PALB2: variants seen among roughly 807,000 people sequenced by gnomAD.
PALB2 encodes the protein mutant partner and localizer of BRCA2.
In PALB2, 82 loss-of-function variants were observed where a neutral mutation model predicts 107.4. The ratio of observed to expected loss-of-function variants is 0.76; its 90% CI spans 0.64 to 0.92. The LOEUF (loss-of-function observed/expected upper bound fraction) is 0.92, where lower values mean the gene tolerates loss of function less well. Among genes scored for constraint, PALB2 ranks in the 40% least tolerant of loss-of-function variants. PALB2 has a pLI of 0.00. For synonymous variants in PALB2, 489 were observed against 496.8 expected (o/e 0.98, Z 0.21); for missense variants, 1,374 against 1,379.9 (o/e 1.00, Z 0.07).
chr16:23,616,244 A>T (rs1024063098), intron 10 of PALB2, among the ~76,000 whole-genome samples: 7 of 152,016 alleles, frequency 4.6e-5, no homozygotes, highest in Admixed American at 6.6e-5. Context: ...AGCAGTCCAC[A>T]GTCATCTCCT....
intron 12 of PALB2, 43 bp downstream of exon 12, chr16:23,607,821 T>G: frequency 8.1e-6 from 13 of 1,611,778 alleles, no homozygotes; most frequent in Non-Finnish European, 1.1e-5. Context: ...CACAGTGCCT[T>G]TCAGAATGTC....
chr16:23,630,970 T>TA (rs1029747344), intron 4 of PALB2, among the ~76,000 whole-genome samples: 1 of 148,704 alleles, frequency 6.7e-6, no homozygotes, highest in South Asian at 2.1e-4. Flanking sequence ...AAATAAAAAT[T>TA]AAAAAAAATA....
chr16:23,626,144 A>C (rs953647090), intron 7 of PALB2, 92 bp downstream of exon 7: 220 of 1,424,526 alleles, frequency 1.5e-4, no homozygotes, highest in Non-Finnish European at 2.0e-4. Context: ...TCTGCCTTGC[A>C]TGGTCATAGC....
chr16:23,616,074 CTT>C (rs909122049), intron 10 of PALB2, among the ~76,000 whole-genome samples: 6 of 152,294 alleles, frequency 3.9e-5, no homozygotes, highest in Admixed American at 1.3e-4. Context: ...TGACTCTAGA[CTT>C]TGCTCAAGCT....
In PALB2 at chr16:23,628,990, A is replaced by G. The variant is rs563480508; in HGVS notation, c.2586+214T>C. Among the ~76,000 whole-genome samples, 170 of 152,292 alleles carry G rather than the reference A, an allele frequency of 1.1e-3. 1 individual carries two copies. The highest frequency in any genetic ancestry group is 4.0e-3 in the African/African-American group (165 of 41,564). On this transcript the variant is annotated intron_variant, in intron 6 of 12. Coordinates refer to ENST00000261584, the MANE Select transcript of PALB2 (RefSeq NM_024675.4). ...TACTTAGCCTAAGTTGTTCTTGCCA[A>G]TAGGTTGGCATAGAAACTTTAAGAG...
At chr16:23,615,953 C>T (rs557923255) in intron 10 of PALB2, among the ~76,000 whole-genome samples, 8 of 152,288 alleles carry the variant, frequency 5.3e-5, no homozygotes, top group Admixed American at 3.3e-4. Flanking sequence ...CGTGAGCCAC[C>T]GCGCCCGGTG....
chr16:23,606,821 CT>C (rs545664784), intron 12 of PALB2, among the ~76,000 whole-genome samples: 66 of 108,528 alleles, frequency 6.1e-4, no homozygotes, highest in Admixed American at 7.1e-4. Flanking sequence ...CTGCACCCTG[CT>C]TTTTTTTTTT....
intron 4 of PALB2, among the ~76,000 whole-genome samples, chr16:23,630,991 T>TG (rs1370963415): frequency 1.3e-5 from 2 of 150,886 alleles, no homozygotes; most frequent in Non-Finnish European, 2.9e-5. Flanking sequence ...AGGCCAGGCA[T>TG]GGTGCCTCAC....
chr16:23,637,854 G>T lies in PALB2; in HGVS notation c.207C>A (p.His69Gln), dbSNP rs1567223897. The part of the protein sequence containing the change: ...SQQDLSPQLK[H>Q]SEPKNKICVY... ...AAGTGAATGGTCTAGATTTACCTGA[G>T]TGTTTTAGCTGCGGTGAGAGATCCT... The change falls in exon 3 of 13, where the codon CAC (histidine) becomes CAA (glutamine). Residue 69 changes from histidine (H) to glutamine (Q), a missense_variant. Coordinates refer to ENST00000261584, the MANE Select transcript of PALB2 (RefSeq NM_024675.4). 1 of 1,608,232 alleles carries T rather than the reference G, an allele frequency of 6.2e-7. No homozygotes were observed. The highest frequency in any genetic ancestry group is 8.5e-7 in the Non-Finnish European group (1 of 1,174,686).
In PALB2 at chr16:23,636,021, T is replaced by C. The variant is rs1555461747; in HGVS notation, c.525A>G (p.Arg175=). The part of the protein sequence containing the change: ...GTDSLRLSGK[R]LKEQEEISSK... ...TACTGATTTCTTCCTGTTCCTTTAG[T>C]CTTTTCCCAGACAATCTGAGTGAAT... The change falls in exon 4 of 13, where the codon AGA becomes AGG. Residue 175 remains arginine (R), a synonymous_variant. Transcript: ENST00000261584. The C allele has an allele frequency of 1.2e-6, 2 of 1,614,168 alleles. No individual in the cohort carries two copies. The highest frequency in any genetic ancestry group is 2.2e-5 in the East Asian group (1 of 44,886).
rs761773470 is a variant in PALB2 at position 23,630,382 on chromosome 16, G to T, written c.1772C>A (p.Pro591Gln). 4 of 1,613,984 alleles carry T rather than the reference G, an allele frequency of 2.5e-6. No individual in the cohort carries two copies. The Admixed American group carries it at 5.0e-5, about 20-fold the overall frequency. Residue 591 changes from proline to glutamine, a missense_variant, in exon 5 of 13, where the codon CCA becomes CAA. Physicochemically the swap from Pro to Gln is moderately conservative, Grantham distance 76 (BLOSUM62 -1). Coordinates refer to ENST00000261584, the MANE Select transcript of PALB2 (RefSeq NM_024675.4). The part of the protein sequence containing the change: ...LSLDDDAFTA[P>Q]FHRDGMLSLK... Reference sequence around the variant, plus strand: ...ACTCAGCATTCCATCCCTATGAAATGGAGCCGTGAAAGCATCATCATCCAA... The same window carrying T: ...ACTCAGCATTCCATCCCTATGAAATTGAGCCGTGAAAGCATCATCATCCAA...
At chr16:23,631,018 C>T (rs963358087) in intron 4 of PALB2, among the ~76,000 whole-genome samples, 20 of 150,388 alleles carry the variant, frequency 1.3e-4, no homozygotes, top group Admixed American at 1.1e-3. Flanking sequence ...AGTCTCAGCA[C>T]TTTCAGAGGC....
chr16:23,638,368 T>C (rs1252071770), intron 1 of PALB2: 1 of 578,672 alleles, frequency 1.7e-6, no homozygotes, highest in East Asian at 3.0e-5. Flanking sequence ...CCTCAAACCT[T>C]AGCTTAGATT....
At chr16:23,637,292 C>A (rs1312626698) in intron 3 of PALB2, among the ~76,000 whole-genome samples, 1 of 151,520 alleles carries the variant, frequency 6.6e-6, no homozygotes, top group Non-Finnish European at 1.5e-5. Context: ...AATATTTAAA[C>A]AATAAATATA....
At chr16:23,639,517 GAAAAAA>G (rs1186283940) in intron 1 of PALB2, among the ~76,000 whole-genome samples, 1 of 43,766 alleles carries the variant, frequency 2.3e-5, no homozygotes, top group Non-Finnish European at 4.4e-5. Context: ...GACTCTGCTT[GAAAAAA>G]AAAAAAAAAA....
intron 10 of PALB2, among the ~76,000 whole-genome samples, chr16:23,619,788 A>T (rs1567212214): frequency 1.3e-5 from 2 of 149,460 alleles, no homozygotes; most frequent in East Asian, 4.0e-4. Context: ...AAAAATTATT[A>T]TTTTTTTTTG....
chr16:23,638,530 T>C, intron 1 of PALB2: 1 of 462,288 alleles, frequency 2.2e-6, no homozygotes. Flanking sequence ...GGAACTGCCA[T>C]CCTCAGTCAC....
intron 1 of PALB2, 104 bp from the exon 2 acceptor site, chr16:23,638,233 G>A (rs606231405): frequency 3.5e-6 from 3 of 855,622 alleles, no homozygotes. Context: ...GCAGGGAGTA[G>A]CACTGGTCCA....
At chr16:23,609,345 A>G (rs1010930365) in intron 11 of PALB2, among the ~76,000 whole-genome samples, 3 of 152,126 alleles carry the variant, frequency 2.0e-5, no homozygotes, top group Non-Finnish European at 4.4e-5. Context: ...GGATCGCTTG[A>G]GCCCAAGAAC....
Sources: allele counts gnomAD v4.1 joint callset (sites outside exome capture counted in the v4.1 genomes callset), GRCh38; gene constraint gnomAD v4.1.1; transcripts MANE v1.5; gene names NCBI Gene and HGNC (gene_info 2026-07-23, HGNC 2026-07-21).